The following OPCML variants were observed in gnomAD, a reference collection of about 807,000 sequenced individuals.
OPCML encodes the protein opioid binding protein/cell adhesion molecule like.
In OPCML, 13 loss-of-function variants were observed where a neutral mutation model predicts 37.8. The observed-to-expected ratio is 0.34, with a 90% confidence interval of 0.22 to 0.55. The LOEUF (loss-of-function observed/expected upper bound fraction) is 0.55, where lower values mean the gene tolerates loss of function less well. Among genes scored for constraint, OPCML ranks in the 20% least tolerant of loss-of-function variants. The probability of loss-of-function intolerance (pLI) is 0.91; values close to 1 mark genes in which losing one functional copy is unlikely to be tolerated. For missense variants in OPCML, 341 were observed against 435.6 expected (o/e 0.78, Z 1.93); for synonymous variants, 176 against 168.8 (o/e 1.04, Z -0.33).
At chr11:133,305,051 G>C (rs578145227) in intron 1 of OPCML, among the ~76,000 whole-genome samples, 3 of 152,150 alleles carry the variant, frequency 2.0e-5, no homozygotes, top group Non-Finnish European at 4.4e-5. Flanking sequence ...TTCATGCAGA[G>C]AGTGATAAGC....
At chr11:132,682,116 T>C (rs756563905) in intron 2 of OPCML, among the ~76,000 whole-genome samples, 1 of 152,144 alleles carries the variant, frequency 6.6e-6, no homozygotes, top group Non-Finnish European at 1.5e-5. Context: ...GCACGGAGTT[T>C]TGCTCCTGCC....
At chr11:132,897,111 G>A (rs1201875600) in intron 2 of OPCML, among the ~76,000 whole-genome samples, 2 of 152,288 alleles carry the variant, frequency 1.3e-5, no homozygotes, top group South Asian at 4.1e-4. Flanking sequence ...TTCCTCTTGG[G>A]CCATATGACC....
At chr11:132,792,518 A>G (rs1005997342) in intron 2 of OPCML, among the ~76,000 whole-genome samples, 3 of 152,186 alleles carry the variant, frequency 2.0e-5, no homozygotes, top group African/African-American at 4.8e-5. Flanking sequence ...CATTTCCATG[A>G]AAAAGGGTGT....
chr11:132,714,394 A>G (rs768356610), intron 2 of OPCML, among the ~76,000 whole-genome samples: 10 of 152,208 alleles, frequency 6.6e-5, no homozygotes, highest in Non-Finnish European at 1.0e-4. Flanking sequence ...TCATGGAGAT[A>G]ATATGTGCGG....
intron 2 of OPCML, among the ~76,000 whole-genome samples, chr11:132,736,054 C>T (rs1319787984): frequency 6.6e-6 from 1 of 152,152 alleles, no homozygotes; most frequent in African/African-American, 2.4e-5. Context: ...ATGTACTTTG[C>T]TGGATTTCAG....
At position 132,874,383 on chromosome 11, in the gene OPCML, A is replaced by C. The variant is rs557350974; in HGVS notation, c.146+68543T>G. ...GATCCAAAGGAGTAACTAGGGAACA[A>C]TCTTTTATCTTTCCCTCCCTCCCTC... On this transcript the variant is annotated intron_variant, in intron 2 of 7. Transcript: ENST00000524381. Among the ~76,000 whole-genome samples, 117 of 150,904 alleles carry C rather than the reference A, an allele frequency of 7.8e-4. 1 individual carries two copies. The highest frequency in any genetic ancestry group is 1.3e-3 in the Non-Finnish European group (90 of 67,934).
intron 4 of OPCML, among the ~76,000 whole-genome samples, chr11:132,482,545 A>T (rs1000275607): frequency 1.3e-5 from 2 of 152,250 alleles, no homozygotes; most frequent in Non-Finnish European, 2.9e-5. Flanking sequence ...ATAGAAAAAG[A>T]GGGAATCATC....
chr11:132,821,497 A>G (rs899535727), intron 2 of OPCML, among the ~76,000 whole-genome samples: 1 of 152,158 alleles, frequency 6.6e-6, no homozygotes, highest in Non-Finnish European at 1.5e-5. Flanking sequence ...CAGCCCATTT[A>G]ATGTGCTCTG....
intron 1 of OPCML, among the ~76,000 whole-genome samples, chr11:132,989,164 C>T (rs367980971): frequency 1.3e-5 from 2 of 152,060 alleles, no homozygotes; most frequent in Non-Finnish European, 2.9e-5. Flanking sequence ...TGTGACCCAG[C>T]GAATCCATTC....
chr11:133,411,635 A>T (rs1465594271), intron 1 of OPCML, among the ~76,000 whole-genome samples: 1 of 152,134 alleles, frequency 6.6e-6, no homozygotes, highest in Non-Finnish European at 1.5e-5. Context: ...GCTCCCAGGC[A>T]TTATTCCATG....
chr11:133,188,214 T>C (rs150109232), intron 1 of OPCML, among the ~76,000 whole-genome samples: 21 of 152,320 alleles, frequency 1.4e-4, no homozygotes, highest in Middle Eastern at 3.4e-3. Context: ...TAGGACTTCA[T>C]TGAGTTCCTG....
At chr11:133,015,584 G>A (rs1049221548) in intron 1 of OPCML, among the ~76,000 whole-genome samples, 4 of 152,168 alleles carry the variant, frequency 2.6e-5, no homozygotes, top group African/African-American at 9.7e-5. Context: ...TGAAGGCCAA[G>A]TAGAAAAACA....
At chr11:132,756,635 GC>G (rs1458994770) in intron 2 of OPCML, among the ~76,000 whole-genome samples, 2 of 152,072 alleles carry the variant, frequency 1.3e-5, no homozygotes, top group Non-Finnish European at 2.9e-5. Flanking sequence ...CATATTTATG[GC>G]TCATGTAGAA....
intron 1 of OPCML, among the ~76,000 whole-genome samples, chr11:132,965,030 G>T (rs571995251): frequency 6.6e-6 from 1 of 152,276 alleles, no homozygotes; most frequent in Non-Finnish European, 1.5e-5. Flanking sequence ...TAGACAGTTT[G>T]TGTCTTTGGA....
intron 1 of OPCML, among the ~76,000 whole-genome samples, chr11:133,509,773 A>G (rs1432655533): frequency 6.6e-6 from 1 of 152,296 alleles, no homozygotes; most frequent in South Asian, 2.1e-4. Context: ...TGTTTCTGTT[A>G]GGTGGATCAC....
intron 3 of OPCML, among the ~76,000 whole-genome samples, chr11:132,548,755 C>T (rs2096374674): frequency 2.0e-5 from 3 of 152,320 alleles, no homozygotes; most frequent in Middle Eastern, 3.4e-3. Flanking sequence ...GTAACCAACT[C>T]TCATGGTGAC....
chr11:133,083,159 C>T (rs897424453), intron 1 of OPCML, among the ~76,000 whole-genome samples: 2 of 152,030 alleles, frequency 1.3e-5, no homozygotes, highest in African/African-American at 2.4e-5. Flanking sequence ...CACACACACG[C>T]ACACACCCCG....
intron 1 of OPCML, among the ~76,000 whole-genome samples, chr11:132,961,694 G>A (rs1305771484): frequency 6.6e-6 from 1 of 152,202 alleles, no homozygotes; most frequent in Non-Finnish European, 1.5e-5. Flanking sequence ...TCTGTACGAT[G>A]AGCCCCTTTG....
At chr11:132,422,437 G>A (rs1366087550) in intron 7 of OPCML, among the ~76,000 whole-genome samples, 1 of 152,058 alleles carries the variant, frequency 6.6e-6, no homozygotes, top group East Asian at 1.9e-4. Context: ...TCGGATGCTT[G>A]GTGCTTACTG....
Sources: allele counts gnomAD v4.1 joint callset (sites outside exome capture counted in the v4.1 genomes callset), GRCh38; gene constraint gnomAD v4.1.1; transcripts MANE v1.5; gene names NCBI Gene and HGNC (gene_info 2026-07-23, HGNC 2026-07-21).